SCLT1: variants seen among roughly 807,000 people sequenced by gnomAD.
SCLT1 encodes the protein sodium channel and clathrin linker 1.
In SCLT1, 78 loss-of-function variants were observed where a neutral mutation model predicts 112.8. The observed-to-expected ratio is 0.69, with a 90% CI of 0.58 to 0.83. SCLT1 has a LOEUF of 0.83. Ranked by LOEUF, SCLT1 falls within the 40% of genes least tolerant of loss-of-function variation. The pLI is 0.00. For synonymous variants in SCLT1, 257 were observed against 254.7 expected (o/e 1.01, Z -0.09); for missense variants, 747 against 770.4 (o/e 0.97, Z 0.36).
At chr4:129,064,062 G>A (rs1192091004) in intron 2 of SCLT1, among the ~76,000 whole-genome samples, 1 of 152,214 alleles carries the variant, frequency 6.6e-6, no homozygotes, top group South Asian at 2.1e-4. Flanking sequence ...TCCTAGAAAG[G>A]GTGGTTGTCA....
chr4:128,993,327 G>C (rs779146364), intron 8 of SCLT1, among the ~76,000 whole-genome samples: 4 of 151,998 alleles, frequency 2.6e-5, no homozygotes, highest in South Asian at 2.1e-4. Context: ...GCTTTTCCCA[G>C]AACTCCTAGT....
chr4:129,060,838 T>C (rs1749901680), intron 2 of SCLT1, among the ~76,000 whole-genome samples: 1 of 152,094 alleles, frequency 6.6e-6, no homozygotes, highest in Admixed American at 6.6e-5. Flanking sequence ...TGGGGTGAGA[T>C]CTTAGGCTCA....
At chr4:128,914,550 T>TA (rs1190038232) in intron 18 of SCLT1, among the ~76,000 whole-genome samples, 1 of 152,066 alleles carries the variant, frequency 6.6e-6, no homozygotes, top group African/African-American at 2.4e-5. Flanking sequence ...GAAGAGTTTG[T>TA]AAGAGAGGTC....
intron 19 of SCLT1, among the ~76,000 whole-genome samples, chr4:128,889,478 C>A (rs1733144664): frequency 6.6e-6 from 1 of 152,130 alleles, no homozygotes. Flanking sequence ...ACAGATTCTC[C>A]CTCACAGCTC....
chr4:129,043,882 G>T (rs185863511), intron 3 of SCLT1, 111 bp downstream of exon 3: 35 of 641,904 alleles, frequency 5.5e-5, no homozygotes, highest in African/African-American at 4.2e-4. Flanking sequence ...CAAGAACAAA[G>T]CATTTAAGTT....
At chr4:128,992,821 CA>C (rs1367136173) in intron 8 of SCLT1, among the ~76,000 whole-genome samples, 1 of 152,010 alleles carries the variant, frequency 6.6e-6, no homozygotes, top group African/African-American at 2.4e-5. Flanking sequence ...TCCTGAAGGT[CA>C]GCTTCTGGAG....
intron 10 of SCLT1, among the ~76,000 whole-genome samples, chr4:128,965,891 G>A (rs2126024667): frequency 6.7e-6 from 1 of 149,112 alleles, no homozygotes. Context: ...CAGTGCGGTG[G>A]TACGATCTTG....
At chr4:128,914,797 T>C (rs1340223118) in intron 18 of SCLT1, among the ~76,000 whole-genome samples, 2 of 152,198 alleles carry the variant, frequency 1.3e-5, no homozygotes, top group African/African-American at 4.8e-5. Context: ...TCTTCTACAG[T>C]ATTTGAATTT....
chr4:129,012,479 A>G (rs1461689956), intron 5 of SCLT1, among the ~76,000 whole-genome samples: 1 of 152,172 alleles, frequency 6.6e-6, no homozygotes, highest in Non-Finnish European at 1.5e-5. Context: ...TGGTGATGAG[A>G]AGAATGTATA....
At chr4:129,070,157 C>T (rs941942907) in intron 2 of SCLT1, among the ~76,000 whole-genome samples, 2 of 152,092 alleles carry the variant, frequency 1.3e-5, no homozygotes, top group Non-Finnish European at 1.5e-5. Flanking sequence ...ATACAGTTAG[C>T]TAGTATTTTG....
At chr4:128,991,480 G>T (rs889803927) in intron 9 of SCLT1, among the ~76,000 whole-genome samples, 1 of 151,576 alleles carries the variant, frequency 6.6e-6, no homozygotes, top group Non-Finnish European at 1.5e-5. Context: ...ATATGGGATC[G>T]TATCAAGCTA....
At chr4:128,875,447 G>T (rs1225305420) in intron 4 of SCLT1, among the ~76,000 whole-genome samples, 1 of 151,680 alleles carries the variant, frequency 6.6e-6, no homozygotes, top group African/African-American at 2.4e-5. Context: ...TCCCCACCTG[G>T]AGTTCTTTCC....
intron 14 of SCLT1, among the ~76,000 whole-genome samples, chr4:128,952,130 T>G (rs948692773): frequency 6.6e-6 from 1 of 152,166 alleles, no homozygotes; most frequent in Non-Finnish European, 1.5e-5. Flanking sequence ...AACATACACC[T>G]AAAGCATGAT....
At chr4:129,025,309 G>T (rs1223983487) in intron 5 of SCLT1, among the ~76,000 whole-genome samples, 2 of 152,172 alleles carry the variant, frequency 1.3e-5, no homozygotes, top group Non-Finnish European at 2.9e-5. Flanking sequence ...GAAAGGTCGG[G>T]TTACCCACAA....
chr4:129,055,939 C>T (rs559677067), intron 2 of SCLT1, among the ~76,000 whole-genome samples: 1 of 152,266 alleles, frequency 6.6e-6, no homozygotes, highest in East Asian at 1.9e-4. Context: ...GTGTAGGCAA[C>T]AAGGGAATCT....
At chr4:129,018,622 T>C (rs1296671324) in intron 5 of SCLT1, among the ~76,000 whole-genome samples, 1 of 152,176 alleles carries the variant, frequency 6.6e-6, no homozygotes, top group African/African-American at 2.4e-5. Context: ...TAAACATATA[T>C]AGTTTATGCA....
intron 9 of SCLT1, among the ~76,000 whole-genome samples, chr4:128,979,477 C>G (rs926529181): frequency 2.0e-5 from 3 of 152,036 alleles, no homozygotes; most frequent in Non-Finnish European, 4.4e-5. Context: ...AGGAAACAGC[C>G]CCTCACCAAA....
At chr4:128,890,874 G>A (rs1320845193) in intron 19 of SCLT1, among the ~76,000 whole-genome samples, 185 bp downstream of exon 19, 3 of 152,176 alleles carry the variant, frequency 2.0e-5, no homozygotes, top group African/African-American at 7.2e-5. Flanking sequence ...ATTTACATAT[G>A]ATGAATCACT....
At chr4:128,992,561 G>A (rs1742666368) in intron 8 of SCLT1, among the ~76,000 whole-genome samples, 2 of 151,928 alleles carry the variant, frequency 1.3e-5, no homozygotes. Context: ...TGAGCAGCCT[G>A]ACATGTCTGA....
Sources: gnomAD v4.1 joint callset for allele counts (sites outside exome capture counted in the v4.1 genomes callset) on GRCh38, gnomAD v4.1.1 for gene constraint, MANE v1.5 for transcripts, NCBI Gene and HGNC (gene_info 2026-07-23, HGNC 2026-07-21) for gene names.